RHOT2: variants seen among roughly 807,000 people sequenced by gnomAD.
RHOT2 encodes the protein ras homolog family member T2.
Under a neutral mutation model 81.6 loss-of-function variants are expected in RHOT2, and 90 were observed. The observed-to-expected ratio is 1.10, with a 90% CI of 0.93 to 1.31. RHOT2 has a LOEUF of 1.31. RHOT2 is among the 40% of genes most tolerant of loss of function. The pLI, the probability that RHOT2 is intolerant of heterozygous loss-of-function variation, is 0.00. For synonymous variants in RHOT2, 512 were observed against 370.9 expected (o/e 1.38, Z -4.37); for missense variants, 1,014 against 841.9 (o/e 1.20, Z -2.53).
At position 668,188 on chromosome 16, in the gene RHOT2, C is replaced by G. The variant is rs775011631; in HGVS notation, c.-12C>G. The G allele has an allele frequency of 6.3e-6, 3 of 475,996 alleles. No homozygotes were observed. The highest frequency in any genetic ancestry group is 3.2e-5 in the East Asian group (1 of 30,802). 29.5% of individuals were successfully genotyped at this position (475,996 alleles called of 1,614,324 possible). A position where few individuals can be genotyped will look rare whatever the true frequency, so the allele number is the denominator to read the frequency against. On this transcript the variant is annotated 5_prime_UTR_variant, in exon 1 of 19. Transcript: ENST00000315082. ...CGGGTTCCGGGTCGGGGAGCGGCTC[C>G]GGGCGGCAGCTATGAGGCGGGACGT...
Position 669,403 on chromosome 16 carries a change from G to A in RHOT2, c.223-150G>A. On this transcript the variant is annotated intron_variant, in intron 4 of 18. Coordinates refer to ENST00000315082, the MANE Select transcript of RHOT2 (RefSeq NM_138769.3). ...CACCAGGCTGGAGGCAGGTTTTAGG[G>A]AAGGCTGGGCTTTCCCGGCCTCAGA... The A allele has an allele frequency of 4.2e-6, 3 of 715,148 alleles. No homozygotes were observed. In the South Asian group the frequency reaches 5.0e-5, roughly 12 times the overall value. 44.3% of individuals were successfully genotyped at this position (715,148 alleles called of 1,614,324 possible).
intron 15 of RHOT2, 46 bp downstream of exon 15, chr16:672,430 G>A (rs1400288567): frequency 6.2e-7 from 1 of 1,609,544 alleles, no homozygotes; most frequent in Non-Finnish European, 8.5e-7. Context: ...TCCAGGGGCA[G>A]GGCAGGGCAA....
Position 670,116 on chromosome 16 carries a change from T to C in RHOT2, c.277-7T>C. 1 of 1,559,194 alleles carries C rather than the reference T, an allele frequency of 6.4e-7. No homozygotes were observed. The highest frequency in any genetic ancestry group is 8.7e-7 in the Non-Finnish European group (1 of 1,154,022). The stretch of plus-strand genomic sequence containing the variant: ...GCCTCACTTCACAGCCAGGCTTTGC[T>C]TTTCAGATTCGAACTAAGTGGATCC... On this transcript the variant is annotated splice_polypyrimidine_tract_variant and splice_region_variant and intron_variant, in intron 5 of 18. Transcript: ENST00000315082.
chr16:670,682 C>A lies in RHOT2; in HGVS notation c.548C>A (p.Pro183His). Residue 183 changes from proline to histidine, a missense_variant, in exon 9 of 19, where the codon CCC becomes CAC. Coordinates refer to ENST00000315082, the MANE Select transcript of RHOT2 (RefSeq NM_138769.3). ...LYDPEAKQLRPACAQALTRIF... is the reference protein window; with the variant it reads ...LYDPEAKQLRHACAQALTRIF... ...GAGCCAACATCCCCACAGTTGAGGC[C>A]CGCGTGCGCCCAGGCGCTGACGCGC... is the stretch of plus-strand genomic sequence containing the variant. 1 of 1,612,244 alleles carries A rather than the reference C, an allele frequency of 6.2e-7. No homozygotes were observed. Among genetic ancestry groups the A allele is most frequent in the Non-Finnish European group, 8.5e-7 (1 of 1,179,880 alleles).
rs1434220672 is a variant in RHOT2 at position 669,575 on chromosome 16, A to G, written c.245A>G (p.Tyr82Cys). ...IHKANVVCVV[Y>C]DVSEEATIEK... is the part of the protein sequence containing the mutation. ...CAGGCAAACGTGGTGTGTGTGGTGT[A>G]TGACGTCTCTGAGGAGGCCACCATT... Residue 82 changes from tyrosine to cysteine, a missense_variant, in exon 5 of 19, where the codon TAT becomes TGT. Coordinates refer to ENST00000315082, the MANE Select transcript of RHOT2 (RefSeq NM_138769.3). The G allele has an allele frequency of 2.5e-6, 4 of 1,612,168 alleles. No homozygotes were observed. In the East Asian group the frequency reaches 8.9e-5, roughly 36 times the overall value.
rs1244696075 is a variant in RHOT2, at chr16:668,426, CG to C, written c.96+16del. On this transcript the variant is annotated intron_variant, in intron 2 of 18. Coordinates refer to ENST00000315082, the MANE Select transcript of RHOT2 (RefSeq NM_138769.3). ...TCCCCGAGGAGGTAAGGGGCACGCCCGCCGCGGGGGTGGGAGCGGGCCCAGC... is the reference window on the plus strand; with the variant it reads ...TCCCCGAGGAGGTAAGGGGCACGCCCCCGCGGGGGTGGGAGCGGGCCCAGC... The C allele has an allele frequency of 6.5e-7, 1 of 1,541,740 alleles. No homozygotes were observed. The highest frequency in any genetic ancestry group is 1.4e-5 in the African/African-American group (1 of 71,180).
At chr16:669,749 C>G (rs1013257703) in intron 5 of RHOT2, 143 bp downstream of exon 5, 2 of 794,964 alleles carry the variant, frequency 2.5e-6, no homozygotes, top group Admixed American at 2.1e-5. Flanking sequence ...TGGAGTCACC[C>G]GGCCCTCTCC....
chr16:669,620 G>A lies in RHOT2; in HGVS notation c.276+14G>A, dbSNP rs1246679862. 6.2e-7 allele frequency: 1 copy of A among 1,610,962 alleles called. No homozygotes were observed. The highest frequency in any genetic ancestry group is 8.5e-7 in the Non-Finnish European group (1 of 1,179,628). ...ACCATTGAGAAGGTGAGCCCTCAGT[G>A]CAGACCCCAACAGCAGAGACACAGT... On this transcript the variant is annotated intron_variant, in intron 5 of 18. Transcript: ENST00000315082.
intron 4 of RHOT2, chr16:668,947 C>A: frequency 1.9e-6 from 1 of 533,196 alleles, no homozygotes; most frequent in Non-Finnish European, 3.3e-6. Context: ...GCCGGGGTGG[C>A]AGCAGCGTTT....
Position 672,307 on chromosome 16 carries a change from C to G in RHOT2, c.1249C>G (p.Leu417Val), listed in dbSNP as rs761420156. The G allele has an allele frequency of 4.3e-6, 7 of 1,612,432 alleles. No individual in the cohort carries two copies. The highest frequency in any genetic ancestry group is 1.1e-5 in the South Asian group (1 of 91,024). Residue 417 changes from leucine to valine, a missense_variant, in exon 15 of 19, where the codon CTC (leucine) becomes GTC (valine). By Grantham distance (32) the Leu-to-Val change is conservative. Transcript: ENST00000315082. ...QEKGQTQRSVLLCKVVGARGV... is the reference protein window; with the variant it reads ...QEKGQTQRSVVLCKVVGARGV... ...GAAGGGACAGACGCAGCGGAGCGTC[C>G]TCCTGTGCAAGGTGGTAGGGGCCCG...
intron 9 of RHOT2, 26 bp downstream of exon 9, chr16:670,799 C>T (rs778913811): frequency 6.2e-7 from 1 of 1,609,338 alleles, no homozygotes; most frequent in South Asian, 1.1e-5. Context: ...ACCCTCGGTG[C>T]CCAGCCCCCT....
In RHOT2 at chr16:672,327, G is replaced by C; in HGVS notation, c.1269G>C (p.Gly423=). 1 of 1,612,316 alleles carries C rather than the reference G, an allele frequency of 6.2e-7. No homozygotes were observed. The highest frequency in any genetic ancestry group is 8.5e-7 in the Non-Finnish European group (1 of 1,179,718). Residue 423 remains glycine (G), a synonymous_variant, in exon 15 of 19, where the codon GGG becomes GGC. Transcript: ENST00000315082. ...GCGTCCTCCTGTGCAAGGTGGTAGG[G>C]GCCCGTGGAGTGGGCAAGTCTGCCT... The part of the protein sequence containing the change: ...QRSVLLCKVV[G]ARGVGKSAFL...
Position 668,675 on chromosome 16 carries a change from G to A in RHOT2, c.198G>A (p.Glu66=). 6 of 1,604,332 alleles carry A rather than the reference G, an allele frequency of 3.7e-6. No homozygotes were observed. The South Asian group carries it at 5.6e-5, about 15-fold the overall frequency. Reference sequence around the variant, plus strand: ...CCCTAGAAGCCGAGCAGACGGACGAGGAGCTGCGGGAGGAGATCCACAAGG... The same window carrying A: ...CCCTAGAAGCCGAGCAGACGGACGAAGAGCTGCGGGAGGAGATCCACAAGG... ...VDYSEAEQTD[E]ELREEIHKAN... is the part of the protein sequence containing the mutation. Residue 66 remains glutamate (E), a synonymous_variant, in exon 4 of 19, where the codon GAG becomes GAA. Transcript: ENST00000315082.
Position 673,705 on chromosome 16 carries a change from C to T in RHOT2, c.*99C>T. 6.9e-7 allele frequency: 1 copy of T among 1,441,684 alleles called. No homozygotes were observed. The highest frequency in any genetic ancestry group is 9.4e-7 in the Non-Finnish European group (1 of 1,066,840). 89.3% of individuals were successfully genotyped at this position (1,441,684 alleles called of 1,614,324 possible). On this transcript the variant is annotated 3_prime_UTR_variant, in exon 19 of 19. Transcript: ENST00000315082. Reference sequence around the variant, plus strand: ...CTGGGGTGCAGGCCAGGCTGCCACTCCGGGAACGCCTTTGCGCCGGGACTT... The same window carrying T: ...CTGGGGTGCAGGCCAGGCTGCCACTTCGGGAACGCCTTTGCGCCGGGACTT...
chr16:670,036 C>T (rs2038650444), intron 5 of RHOT2, 87 bp from the exon 6 acceptor site: 2 of 1,317,302 alleles, frequency 1.5e-6, no homozygotes, highest in Admixed American at 2.4e-5. Flanking sequence ...CCTCCCCCTT[C>T]TGCTCTCCCC....
chr16:669,672 C>G, intron 5 of RHOT2, 66 bp downstream of exon 5: 4 of 1,534,716 alleles, frequency 2.6e-6, no homozygotes, highest in Non-Finnish European at 3.6e-6. Flanking sequence ...GGTGGACCTT[C>G]ACCCAACCCG....
chr16:673,706 C>G lies in RHOT2; in HGVS notation c.*100C>G. ...TGGGGTGCAGGCCAGGCTGCCACTCCGGGAACGCCTTTGCGCCGGGACTTT... is the reference window on the plus strand; with the variant it reads ...TGGGGTGCAGGCCAGGCTGCCACTCGGGGAACGCCTTTGCGCCGGGACTTT... On this transcript the variant is annotated 3_prime_UTR_variant, in exon 19 of 19. Coordinates refer to ENST00000315082, the MANE Select transcript of RHOT2 (RefSeq NM_138769.3). 2 of 1,444,464 alleles carry G rather than the reference C, an allele frequency of 1.4e-6. No homozygotes were observed. The highest frequency in any genetic ancestry group is 1.9e-6 in the Non-Finnish European group (2 of 1,069,292). The allele number at this position is 1,444,464 out of a possible 1,614,324, so 89.5% of individuals were successfully genotyped here.
rs1252717771 is a variant in RHOT2 at position 673,091 on chromosome 16, C to T, written c.1691C>T (p.Thr564Ile). 2 of 1,609,700 alleles carry T rather than the reference C, an allele frequency of 1.2e-6. No homozygotes were observed. The highest frequency in any genetic ancestry group is 2.7e-5 in the African/African-American group (2 of 74,932). The change falls in exon 18 of 19, where the codon ACC (threonine) becomes ATC (isoleucine). Residue 564 changes from threonine (T) to isoleucine (I), a missense_variant. Coordinates refer to ENST00000315082, the MANE Select transcript of RHOT2 (RefSeq NM_138769.3). ...TGTGCTGGCCCAGCCGAGCCCAGCA[C>T]CACCATCTTCACCCAGCTCGCCACC... The part of the protein sequence containing the change: ...FSCAGPAEPS[T>I]TIFTQLATMA...
At chr16:673,412 G>A in intron 18 of RHOT2, 68 bp from the exon 19 acceptor site, 2 of 1,606,050 alleles carry the variant, frequency 1.2e-6, no homozygotes, top group Non-Finnish European at 1.7e-6. Flanking sequence ...CAGGACATGG[G>A]AGGGTGCCCA....
Sources: allele counts gnomAD v4.1 joint callset, GRCh38; gene constraint gnomAD v4.1.1; transcripts MANE v1.5; gene names NCBI Gene and HGNC (gene_info 2026-07-23, HGNC 2026-07-21).